PRDM11: variants seen among roughly 807,000 people sequenced by gnomAD.
The protein encoded by PRDM11 is PR/SET domain 11.
A neutral mutation model predicts 97.8 loss-of-function variants in PRDM11; 20 were observed. The ratio of observed to expected loss-of-function variants is 0.20; its 90% CI spans 0.14 to 0.30. PRDM11 has a LOEUF of 0.30. PRDM11 is among the 10% of genes least tolerant of loss of function. The probability of loss-of-function intolerance (pLI) is 1.00; values close to 1 mark genes in which losing one functional copy is unlikely to be tolerated. For synonymous variants in PRDM11, 599 were observed against 637.7 expected (o/e 0.94, Z 0.91); for missense variants, 1,139 against 1,555.2 (o/e 0.73, Z 4.50).
intron 1 of PRDM11, among the ~76,000 whole-genome samples, chr11:45,163,760 A>G (rs931886144): frequency 7.9e-5 from 12 of 152,226 alleles, no homozygotes; most frequent in African/African-American, 2.9e-4. Context: ...CCCTCCCATA[A>G]GAAGGAGCTG....
In PRDM11 at chr11:45,227,197, C is replaced by T. The variant is rs371307044; in HGVS notation, c.2572C>T (p.Arg858Trp). ...CAAGGAGGTCAGCAGCCAGACCCAGCGGGCAGACGCCTCGGCCATCGCACT... is the reference window on the plus strand; with the variant it reads ...CAAGGAGGTCAGCAGCCAGACCCAGTGGGCAGACGCCTCGGCCATCGCACT... ...HLKEVSSQTQ[R>W]ADASAIALAL... Residue 858 changes from arginine (R) to tryptophan (W), a missense_variant, in exon 8 of 8, where the codon CGG (arginine) becomes TGG (tryptophan). Arg to Trp is a moderately radical substitution (Grantham distance 101). Coordinates refer to ENST00000683152, the MANE Select transcript of PRDM11 (RefSeq NM_001384648.1). The surrounding 1 kb of genome is among the most constrained non-coding windows in gnomAD (Gnocchi z 8.0). 1.4e-5 allele frequency: 21 copies of T among 1,533,886 alleles called. No individual in the cohort carries two copies. Among genetic ancestry groups the T allele is most frequent in the Admixed American group, 3.9e-5 (2 of 50,980 alleles).
chr11:45,221,660 G>A lies in PRDM11; in HGVS notation c.742+1903G>A, dbSNP rs563001428. ...CTTTCTGGAGTGGTTCAAAGGAGGC[G>A]TGTCAGACAGACTTGAAAGGAGATA... On this transcript the variant is annotated intron_variant, in intron 6 of 7. Coordinates refer to ENST00000683152, the MANE Select transcript of PRDM11 (RefSeq NM_001384648.1). Among the ~76,000 whole-genome samples, 6 of 152,214 alleles carry A rather than the reference G, an allele frequency of 3.9e-5. No homozygotes were observed. In the South Asian group the frequency reaches 6.2e-4, roughly 16 times the overall value.
At chr11:45,114,017 T>C (rs1221050579) in intron 1 of PRDM11, among the ~76,000 whole-genome samples, 5 of 152,094 alleles carry the variant, frequency 3.3e-5, no homozygotes, top group Non-Finnish European at 1.5e-5. Flanking sequence ...TTCTTCCTCT[T>C]GTCTGGTTGC....
chr11:45,145,192 C>T (rs1851479842), upstream of PRDM11, among the ~76,000 whole-genome samples: 1 of 152,184 alleles, frequency 6.6e-6, no homozygotes, highest in African/African-American at 2.4e-5. Context: ...TACTGTGCAC[C>T]ACTTTGCAGA....
intron 4 of PRDM11, among the ~76,000 whole-genome samples, chr11:45,199,492 C>G (rs1853249396): frequency 6.6e-6 from 1 of 152,222 alleles, no homozygotes; most frequent in South Asian, 2.1e-4. Context: ...CTCTTCTTCT[C>G]CAGGCTAAGG....
intron 1 of PRDM11, among the ~76,000 whole-genome samples, chr11:45,110,401 A>G (rs1259900340): frequency 6.6e-6 from 1 of 152,178 alleles, no homozygotes; most frequent in African/African-American, 2.4e-5. Context: ...GAGGTGGGGC[A>G]TTTAGATAGC....
chr11:45,176,013 G>A (rs1852319067), intron 1 of PRDM11, among the ~76,000 whole-genome samples: 3 of 151,902 alleles, frequency 2.0e-5, no homozygotes. Flanking sequence ...ATTGAGGTAA[G>A]CATCTTCAGA....
chr11:45,194,816 T>G (rs1378137859), intron 4 of PRDM11, among the ~76,000 whole-genome samples: 1 of 151,770 alleles, frequency 6.6e-6, no homozygotes, highest in African/African-American at 2.4e-5. Context: ...GCCGGGATGG[T>G]CTCGATCTCC....
intron 1 of PRDM11, among the ~76,000 whole-genome samples, chr11:45,126,840 T>C (rs1852587107): frequency 6.6e-6 from 1 of 152,156 alleles, no homozygotes; most frequent in African/African-American, 2.4e-5. Context: ...TCGAGGAGTA[T>C]CTTTGTGGTG....
chr11:45,128,016 C>T (rs1052802882), intron 1 of PRDM11, among the ~76,000 whole-genome samples: 3 of 152,268 alleles, frequency 2.0e-5, no homozygotes, highest in Non-Finnish European at 4.4e-5. Flanking sequence ...AGCTTCCTGG[C>T]TGCTTTGTTT....
chr11:45,095,707 T>C (rs2135591080), upstream of PRDM11: 1 of 673,824 alleles, frequency 1.5e-6, no homozygotes, highest in South Asian at 1.8e-5. Flanking sequence ...CATTCTCTTT[T>C]TAACCCTTCT....
intron 1 of PRDM11, among the ~76,000 whole-genome samples, chr11:45,163,488 T>TGG (rs59697803): frequency 0.052 from 7,816 of 149,548 alleles, 265 homozygotes; most frequent in African/African-American, 0.1. Context: ...TGCTTGAGGA[T>TGG]GGGGGGGGGT....
intron 1 of PRDM11, among the ~76,000 whole-genome samples, chr11:45,153,652 A>G (rs1021048603): frequency 2.0e-5 from 3 of 152,208 alleles, no homozygotes; most frequent in African/African-American, 7.2e-5. Context: ...TCAGACACTC[A>G]TGGTGCCCCA....
At chr11:45,100,173 C>T (rs1590335577) in intron 1 of PRDM11, among the ~76,000 whole-genome samples, 1 of 152,224 alleles carries the variant, frequency 6.6e-6, no homozygotes, top group Admixed American at 6.5e-5. Context: ...AAAATATTTC[C>T]ATCCAAGGGC....
At chr11:45,111,983 G>C (rs992827302) in intron 1 of PRDM11, among the ~76,000 whole-genome samples, 6 of 152,144 alleles carry the variant, frequency 3.9e-5, no homozygotes, top group Non-Finnish European at 8.8e-5. Flanking sequence ...TTGGGGTACA[G>C]GTGGTCTTTG....
intron 1 of PRDM11, among the ~76,000 whole-genome samples, chr11:45,166,410 A>T (rs975709266): frequency 2.0e-5 from 3 of 152,160 alleles, no homozygotes; most frequent in Non-Finnish European, 4.4e-5. Context: ...AATTGGCTAG[A>T]CCCTGTATCC....
intron 1 of PRDM11, among the ~76,000 whole-genome samples, chr11:45,118,130 G>A (rs1852343925): frequency 6.6e-6 from 1 of 151,944 alleles, no homozygotes; most frequent in Non-Finnish European, 1.5e-5. Context: ...AGAAGGAAAA[G>A]AAGTCTTTGA....
rs376347604 is a variant in PRDM11 at position 45,219,645 on chromosome 11, G to A, written c.630G>A (p.Arg210=). The A allele has an allele frequency of 5.5e-5, 89 of 1,613,988 alleles. No homozygotes were observed. Among genetic ancestry groups the A allele is most frequent in the Non-Finnish European group, 7.1e-5 (84 of 1,180,026 alleles). ...AFQHSERIYF[R]ACRDIRPGEW... The stretch of plus-strand genomic sequence containing the variant: ...AGCACAGTGAGCGCATCTACTTCCG[G>A]GCGTGCAGGGACATCCGGCCTGGGG... The change falls in exon 6 of 8, where the codon CGG becomes CGA. Residue 210 remains arginine, a synonymous_variant. Coordinates refer to ENST00000683152, the MANE Select transcript of PRDM11 (RefSeq NM_001384648.1). The surrounding 1 kb of genome is among the most constrained non-coding windows in gnomAD (Gnocchi z 4.2).
At position 45,231,106 on chromosome 11, in the gene PRDM11, A is replaced by AT. The variant is rs1030237548; in HGVS notation, c.*2950dup. 1 of 152,196 alleles carries AT rather than the reference A, an allele frequency of 6.6e-6. No individual in the cohort carries two copies. The highest frequency in any genetic ancestry group is 2.4e-5 in the African/African-American group (1 of 41,452). 9.4% of individuals were successfully genotyped at this position (152,196 alleles called of 1,614,324 possible). A position where few individuals can be genotyped will look rare whatever the true frequency, so the allele number is the denominator to read the frequency against. ...TCTGGGTGCTTGTGGCTTCTGCTGA[A>AT]TTTAGCCATGCCAGGGCTGTGGCAG... On this transcript the variant is annotated 3_prime_UTR_variant, in exon 8 of 8. Transcript: ENST00000683152.
Sources: gnomAD v4.1 joint callset for allele counts (sites outside exome capture counted in the v4.1 genomes callset) on GRCh38, gnomAD v4.1.1 for gene constraint, Gnocchi (gnomAD v3.1) non-coding constraint, MANE v1.5 for transcripts, NCBI Gene and HGNC (gene_info 2026-07-23, HGNC 2026-07-21) for gene names.